Variants in CEP89 observed in about 807,000 individuals in gnomAD.
The protein encoded by CEP89 is centrosomal protein 89.
Under a neutral mutation model 97.6 loss-of-function variants are expected in CEP89, and 95 were observed. The ratio of observed to expected loss-of-function variants is 0.97; its 90% CI spans 0.82 to 1.15. CEP89 has a LOEUF of 1.15. Ranked by LOEUF, CEP89 falls within the 50% of genes most tolerant of loss-of-function variation. The pLI, the probability that CEP89 is intolerant of heterozygous loss-of-function variation, is 0.00. For synonymous variants in CEP89, 354 were observed against 349.1 expected, an observed-to-expected ratio of 1.01 and a Z score of -0.16; for missense variants, 869 against 947.7, an observed-to-expected ratio of 0.92 and a Z score of 1.09.
intron 14 of CEP89, among the ~76,000 whole-genome samples, chr19:32,908,114 C>T (rs1397707739): frequency 1.3e-5 from 2 of 152,150 alleles, no homozygotes; most frequent in Non-Finnish European, 1.5e-5. Context: ...CACACAATGA[C>T]GAAATCACTT....
intron 13 of CEP89, chr19:32,917,813 T>G (rs1970159425): frequency 1.0e-6 from 1 of 984,770 alleles, no homozygotes; most frequent in South Asian, 4.7e-5. Flanking sequence ...CCCGCAGCTC[T>G]GAAGGAAGGA....
At chr19:32,907,475 G>A (rs959939488) in intron 14 of CEP89, among the ~76,000 whole-genome samples, 6 of 146,062 alleles carry the variant, frequency 4.1e-5, no homozygotes, top group Non-Finnish European at 9.0e-5. Context: ...TTTTTTTGAC[G>A]GATTCTCACT....
At chr19:32,920,340 A>G (rs1970222164) in intron 12 of CEP89, among the ~76,000 whole-genome samples, 1 of 152,008 alleles carries the variant, frequency 6.6e-6, no homozygotes, top group African/African-American at 2.4e-5. Context: ...TCGGCCTCCC[A>G]AAGCATTAGG....
intron 11 of CEP89, among the ~76,000 whole-genome samples, chr19:32,924,901 G>A (rs1412274692): frequency 6.6e-6 from 1 of 152,086 alleles, no homozygotes; most frequent in Non-Finnish European, 1.5e-5. Context: ...TTATTAACTG[G>A]CCCTTGACAG....
chr19:32,954,844 T>TTTTTTTTTTTTTTTG (rs1971013530), intron 3 of CEP89, among the ~76,000 whole-genome samples: 1 of 150,220 alleles, frequency 6.7e-6, no homozygotes, highest in Non-Finnish European at 1.5e-5. Flanking sequence ...TTTCTATTTT[T>TTTTTTTTTTTTTTTG]AGTAGAGATG....
intron 3 of CEP89, among the ~76,000 whole-genome samples, chr19:32,954,226 C>T (rs1970999413): frequency 6.6e-6 from 1 of 152,094 alleles, no homozygotes; most frequent in African/African-American, 2.4e-5. Flanking sequence ...ATGTGGGATA[C>T]TACAAAGTAC....
At chr19:32,919,138 G>T (rs1056527103) in intron 12 of CEP89, among the ~76,000 whole-genome samples, 2 of 151,996 alleles carry the variant, frequency 1.3e-5, no homozygotes, top group Non-Finnish European at 2.9e-5. Flanking sequence ...GCCCGCCTCG[G>T]CCTCCCAAAG....
intron 5 of CEP89, among the ~76,000 whole-genome samples, chr19:32,947,429 A>C (rs1970820341): frequency 1.3e-5 from 2 of 152,286 alleles, no homozygotes; most frequent in East Asian, 1.9e-4. Flanking sequence ...AACATGGCAA[A>C]AAAAAACAGC....
At chr19:32,961,535 C>T (rs559611136) in intron 2 of CEP89, among the ~76,000 whole-genome samples, 17 of 146,060 alleles carry the variant, frequency 1.2e-4, no homozygotes, top group Non-Finnish European at 2.4e-4. Context: ...GCCGAGATCG[C>T]GCCACTGCCC....
chr19:32,936,110 C>T lies in CEP89; in HGVS notation c.667+1521G>A, dbSNP rs1970575457. ...CGGGGGCCTGGGAAGGCTCCCGTGT[C>T]CCCGCAGGCTTATGGGTGTTTGCTC... On this transcript the variant is annotated intron_variant, in intron 7 of 18. Coordinates refer to ENST00000305768, the MANE Select transcript of CEP89 (RefSeq NM_032816.5). The surrounding 1 kb of genome is among the most constrained non-coding windows in gnomAD (Gnocchi z 4.5). Among the ~76,000 whole-genome samples, 1 of 152,128 alleles carries T rather than the reference C, an allele frequency of 6.6e-6. No individual in the cohort carries two copies. Among genetic ancestry groups the T allele is most frequent in the African/African-American group, 2.4e-5 (1 of 41,432 alleles).
chr19:32,965,324 C>T (rs770512667), intron 2 of CEP89, among the ~76,000 whole-genome samples: 15 of 152,196 alleles, frequency 9.9e-5, no homozygotes, highest in Non-Finnish European at 2.2e-4. Context: ...TCGCTTGATG[C>T]TAGGGGGTTG....
chr19:32,940,249 A>G (rs1254991050), intron 5 of CEP89, among the ~76,000 whole-genome samples: 1 of 142,000 alleles, frequency 7.0e-6, no homozygotes, highest in Admixed American at 7.0e-5. Flanking sequence ...CTCTCCTTCC[A>G]ACACTCCTCC....
intron 2 of CEP89, among the ~76,000 whole-genome samples, chr19:32,965,002 C>T (rs545571167): frequency 1.3e-5 from 2 of 152,250 alleles, no homozygotes; most frequent in East Asian, 3.9e-4. Context: ...TCCTCTTGGG[C>T]TCAAGTGATC....
chr19:32,903,735 A>T (rs144885197), intron 14 of CEP89, among the ~76,000 whole-genome samples: 82 of 152,328 alleles, frequency 5.4e-4, no homozygotes, highest in African/African-American at 1.9e-3. Flanking sequence ...GGACAACATC[A>T]AGCAGTCCAG....
At position 32,879,221 on chromosome 19, in the gene CEP89, G is replaced by C. The variant is rs1237084896; in HGVS notation, c.2293C>G (p.Leu765Val). ...PSLNGVSQADLLDGCDVCSYD... is the reference protein window; with the variant it reads ...PSLNGVSQADVLDGCDVCSYD... Reference sequence around the variant, plus strand: ...GAGCAGACATCGCAGCCGTCCAGCAGGTCTGCCTGAGAGACGCCATTGAGG... The same window carrying C: ...GAGCAGACATCGCAGCCGTCCAGCACGTCTGCCTGAGAGACGCCATTGAGG... Residue 765 changes from leucine (L) to valine (V), a missense_variant, in exon 19 of 19, where the codon CTG becomes GTG. Leu to Val is a conservative substitution (Grantham distance 32). Coordinates refer to ENST00000305768, the MANE Select transcript of CEP89 (RefSeq NM_032816.5). The C allele has an allele frequency of 1.9e-6, 3 of 1,614,052 alleles. No homozygotes were observed. In the Admixed American group the frequency reaches 5.0e-5, roughly 27 times the overall value.
intron 17 of CEP89, among the ~76,000 whole-genome samples, chr19:32,885,865 C>G (rs1419647816): frequency 6.6e-6 from 1 of 152,182 alleles, no homozygotes; most frequent in Non-Finnish European, 1.5e-5. Context: ...TTGCACATCT[C>G]CATTTCCACT....
intron 13 of CEP89, 71 bp from the exon 14 acceptor site, chr19:32,915,588 G>C: frequency 7.7e-7 from 1 of 1,305,066 alleles, no homozygotes; most frequent in Non-Finnish European, 1.1e-6. Flanking sequence ...GGGCTATTAG[G>C]AAATACTAAT....
chr19:32,882,113 C>G (rs746280099), intron 17 of CEP89, 100 bp from the exon 18 acceptor site: 5 of 988,054 alleles, frequency 5.1e-6, no homozygotes, highest in Admixed American at 5.2e-5. Context: ...TGTGTCAGAG[C>G]CTTTAAAATC....
At chr19:32,933,242 T>A (rs1970512304) in intron 8 of CEP89, among the ~76,000 whole-genome samples, 1 of 152,204 alleles carries the variant, frequency 6.6e-6, no homozygotes, top group Non-Finnish European at 1.5e-5. Context: ...TAAATTCAGC[T>A]TCTTTCCAAC....
Sources: gnomAD v4.1 joint callset for allele counts (sites outside exome capture counted in the v4.1 genomes callset) on GRCh38, gnomAD v4.1.1 for gene constraint, Gnocchi (gnomAD v3.1) non-coding constraint, MANE v1.5 for transcripts, NCBI Gene and HGNC (gene_info 2026-07-23, HGNC 2026-07-21) for gene names.